The following ABR variants were observed in gnomAD, a reference collection of about 807,000 sequenced individuals.
The protein encoded by ABR is active breakpoint cluster region-related protein.
In ABR, 35 loss-of-function variants were observed where a neutral mutation model predicts 107.2. The observed-to-expected ratio is 0.33, with a 90% CI of 0.25 to 0.43. ABR has a LOEUF of 0.43. Among genes scored for constraint, ABR ranks in the 20% least tolerant of loss-of-function variants. ABR has a pLI of 1.00. For synonymous variants in ABR, 498 were observed against 462.0 expected, an observed-to-expected ratio of 1.08 and a Z score of -1.00; for missense variants, 815 against 1,115.2, an observed-to-expected ratio of 0.73 and a Z score of 3.83.
chr17:1,221,636 A>AG (rs1364090037), intron 1 of ABR, among the ~76,000 whole-genome samples: 1 of 152,040 alleles, frequency 6.6e-6, no homozygotes, highest in Non-Finnish European at 1.5e-5. Flanking sequence ...CCCTTAAAGG[A>AG]GGGGTTGGTT....
intron 16 of ABR, among the ~76,000 whole-genome samples, chr17:1,029,383 A>G (rs951270546): frequency 6.6e-6 from 1 of 152,090 alleles, no homozygotes; most frequent in Admixed American, 6.6e-5. Flanking sequence ...GAGGCCCTGC[A>G]CTATTTAAAG....
chr17:1,021,409 G>A (rs1368119388), intron 16 of ABR, among the ~76,000 whole-genome samples: 2 of 152,186 alleles, frequency 1.3e-5, no homozygotes, highest in African/African-American at 2.4e-5. Context: ...GCCCCATCCT[G>A]CCTCTCACGG....
chr17:1,093,035 A>G (rs2151303204), intron 3 of ABR, among the ~76,000 whole-genome samples: 1 of 151,836 alleles, frequency 6.6e-6, no homozygotes, highest in African/African-American at 2.4e-5. Context: ...GTTAGCCAGG[A>G]TGGTCTTGAT....
Position 1,084,933 on chromosome 17 carries a change from G to C in ABR, c.532-1306C>G, listed in dbSNP as rs1296277980. Among the ~76,000 whole-genome samples, 3 of 152,180 alleles carry C rather than the reference G, an allele frequency of 2.0e-5. No homozygotes were observed. The highest frequency in any genetic ancestry group is 4.4e-5 in the Non-Finnish European group (3 of 68,018). Reference sequence around the variant, plus strand: ...TTCTCCTGCCTCAGCCTCCCGAGTAGCTGGCGTTACAGGCGCCCGCCACCA... The same window carrying C: ...TTCTCCTGCCTCAGCCTCCCGAGTACCTGGCGTTACAGGCGCCCGCCACCA... On this transcript the variant is annotated intron_variant, in intron 4 of 22. Coordinates refer to ENST00000302538, the MANE Select transcript of ABR (RefSeq NM_021962.5). The surrounding 1 kb of genome is among the most constrained non-coding windows in gnomAD (Gnocchi z 4.2).
intron 4 of ABR, among the ~76,000 whole-genome samples, chr17:1,086,472 T>C (rs1174130575): frequency 6.6e-6 from 1 of 151,974 alleles, no homozygotes; most frequent in Non-Finnish European, 1.5e-5. Flanking sequence ...GGTTGAACTG[T>C]AAAATATGAT....
At chr17:1,040,652 T>C (rs1281024479) in intron 16 of ABR, among the ~76,000 whole-genome samples, 2 of 151,950 alleles carry the variant, frequency 1.3e-5, no homozygotes, top group African/African-American at 4.8e-5. Context: ...CCAGAACCAC[T>C]GGAAGGGGGT....
chr17:1,140,214 T>G (rs867557430), intron 1 of ABR, among the ~76,000 whole-genome samples: 1 of 152,010 alleles, frequency 6.6e-6, no homozygotes, highest in South Asian at 2.1e-4. Context: ...TGACTGAAAA[T>G]GCGGCCACAG....
rs1001606785 is a variant in ABR at position 1,084,499 on chromosome 17, G to A, written c.532-872C>T. ...AGCCAAAGCCCCAGCCTCACTACAC[G>A]TTTGCCTGTCACTCACACAGTCACA... On this transcript the variant is annotated intron_variant, in intron 4 of 22. Coordinates refer to ENST00000302538, the MANE Select transcript of ABR (RefSeq NM_021962.5). The surrounding 1 kb of genome is among the most constrained non-coding windows in gnomAD (Gnocchi z 4.2). Among the ~76,000 whole-genome samples the A allele has an allele frequency of 2.0e-5, 3 of 152,084 alleles. No individual in the cohort carries two copies. The highest frequency in any genetic ancestry group is 4.8e-5 in the African/African-American group (2 of 41,400).
intron 2 of ABR, among the ~76,000 whole-genome samples, chr17:1,105,999 TTAAA>T (rs1267755595): frequency 2.6e-5 from 4 of 152,216 alleles, no homozygotes; most frequent in Non-Finnish European, 4.4e-5. Flanking sequence ...CTACCTATCT[TTAAA>T]TAGAATGGCA....
chr17:1,165,153 C>T (rs1287679140), intron 1 of ABR, among the ~76,000 whole-genome samples: 2 of 152,134 alleles, frequency 1.3e-5, no homozygotes, highest in Admixed American at 1.3e-4. Context: ...ACCAAGCTCC[C>T]GGCCTGCAGA....
At chr17:1,180,889 G>A (rs1356630190), upstream of ABR, among the ~76,000 whole-genome samples, 3 of 152,238 alleles carry the variant, frequency 2.0e-5, no homozygotes, top group Non-Finnish European at 4.4e-5. Flanking sequence ...CGACCCTGGA[G>A]CAGGGAAGGA....
chr17:1,078,696 G>T lies in ABR; in HGVS notation c.700+634C>A. The T allele has an allele frequency of 9.2e-7, 1 of 1,083,024 alleles. No individual in the cohort carries two copies. 67.1% of individuals were successfully genotyped at this position (1,083,024 alleles called of 1,614,324 possible). ...ACGAAGGGGGAATTCAGGTCCAGCC[G>T]CTCGCCCACCCTCCTTCCCTGCGGC... On this transcript the variant is annotated intron_variant, in intron 6 of 22. Coordinates refer to ENST00000302538, the MANE Select transcript of ABR (RefSeq NM_021962.5). The surrounding 1 kb of genome is among the most constrained non-coding windows in gnomAD (Gnocchi z 7.5).
chr17:1,098,437 A>G (rs571770132), intron 3 of ABR, among the ~76,000 whole-genome samples: 1 of 152,288 alleles, frequency 6.6e-6, no homozygotes, highest in African/African-American at 2.4e-5. Flanking sequence ...GCAATTACAT[A>G]TATATACAGG....
chr17:1,127,325 A>G (rs1373162890), intron 1 of ABR, among the ~76,000 whole-genome samples: 1 of 152,260 alleles, frequency 6.6e-6, no homozygotes, highest in East Asian at 1.9e-4. Flanking sequence ...GTACCTGGGC[A>G]GGACCCAGGA....
At chr17:1,014,083 T>G (rs1219499501) in intron 16 of ABR, among the ~76,000 whole-genome samples, 3 of 152,230 alleles carry the variant, frequency 2.0e-5, no homozygotes, top group African/African-American at 7.2e-5. Flanking sequence ...GTGACATCAT[T>G]CCTTCTCATG....
rs1301051898 is a variant in ABR at position 1,078,718 on chromosome 17, C to T, written c.700+612G>A. ...GCCGCTCGCCCACCCTCCTTCCCTG[C>T]GGCCCTCTAACCTCCCCGGCCACAT... On this transcript the variant is annotated intron_variant, in intron 6 of 22. Coordinates refer to ENST00000302538, the MANE Select transcript of ABR (RefSeq NM_021962.5). This position sits in a 1 kb window ranked among gnomAD's most constrained non-coding sequence, Gnocchi z 7.5. 23 of 1,287,044 alleles carry T rather than the reference C, an allele frequency of 1.8e-5. No individual in the cohort carries two copies. The highest frequency in any genetic ancestry group is 3.0e-5 in the African/African-American group (2 of 67,324). The allele number at this position is 1,287,044 out of a possible 1,614,324, so 79.7% of individuals were successfully genotyped here. A position where few individuals can be genotyped will look rare whatever the true frequency, so the allele number is the denominator to read the frequency against.
chr17:1,200,299 C>T lies in ABR; in HGVS notation c.838+28494G>A, dbSNP rs1424422066. ...GCATGGTGACTCACGCCTGTAATCCCAACACTTTCGGACGATCGCTTGAAG... is the reference window on the plus strand; with the variant it reads ...GCATGGTGACTCACGCCTGTAATCCTAACACTTTCGGACGATCGCTTGAAG... On this transcript the variant is annotated intron_variant, in intron 1 of 22. Coordinates refer to the ABR transcript ENST00000574139. The surrounding 1 kb of genome is among the most constrained non-coding windows in gnomAD (Gnocchi z 4.1). Among the ~76,000 whole-genome samples, 2 of 152,056 alleles carry T rather than the reference C, an allele frequency of 1.3e-5. No homozygotes were observed. The highest frequency in any genetic ancestry group is 1.5e-5 in the Non-Finnish European group (1 of 68,000).
intron 5 of ABR, among the ~76,000 whole-genome samples, chr17:1,082,078 C>T (rs1258282930): frequency 6.6e-6 from 1 of 152,104 alleles, no homozygotes; most frequent in East Asian, 1.9e-4. Flanking sequence ...AGGAAAACTA[C>T]CCTGCGTTTC....
rs111638750 is a variant in ABR, at chr17:1,029,824, G to A, written c.1792-16660C>T. On this transcript the variant is annotated intron_variant, in intron 16 of 22. Coordinates refer to ENST00000302538, the MANE Select transcript of ABR (RefSeq NM_021962.5). ...CACCACAGCGCTGACCCGTGTCCACGACACGGACACACTGTGGCAGACGTC... is the reference window on the plus strand; with the variant it reads ...CACCACAGCGCTGACCCGTGTCCACAACACGGACACACTGTGGCAGACGTC... 2.8e-3 allele frequency among the ~76,000 whole-genome samples: 271 copies of A among 95,688 alleles called. 8 individuals carry two copies. Among genetic ancestry groups the A allele is most frequent in the Admixed American group, 1.8e-3 (13 of 7,036 alleles). 62.8% of individuals were successfully genotyped at this position (95,688 alleles called of 152,430 possible).
Sources: gnomAD v4.1 joint callset for allele counts (sites outside exome capture counted in the v4.1 genomes callset) on GRCh38, gnomAD v4.1.1 for gene constraint, Gnocchi (gnomAD v3.1) non-coding constraint, MANE v1.5 for transcripts, NCBI Gene and HGNC (gene_info 2026-07-23, HGNC 2026-07-21) for gene names.